The following RPGR variants were observed in gnomAD, a reference collection of about 807,000 sequenced individuals.
The protein encoded by RPGR is X-linked retinitis pigmentosa GTPase regulator.
In RPGR, 10 loss-of-function variants were observed where a neutral mutation model predicts 56.3. The observed-to-expected ratio is 0.18, with a 90% CI of 0.11 to 0.30. RPGR has a LOEUF of 0.30. RPGR is among the 10% of genes least tolerant of loss of function. The pLI is 1.00. For synonymous variants in RPGR, 197 were observed against 212.9 expected, an observed-to-expected ratio of 0.93 and a Z score of 0.65; for missense variants, 538 against 590.9, an observed-to-expected ratio of 0.91 and a Z score of 0.93.
chrX:38,288,140 A>G, intron 13 of RPGR, 99 bp from the exon 14 acceptor site: 2 of 798,015 alleles, frequency 2.5e-6, no homozygotes, highest in Non-Finnish European at 3.7e-6. Context: ...ACATTTTTAT[A>G]AGTTTAGGAG....
At chrX:38,313,229 G>A (rs1472892012) in intron 6 of RPGR, among the ~76,000 whole-genome samples, 1 of 111,391 alleles carries the variant, frequency 9.0e-6, no homozygotes, top group Non-Finnish European at 1.9e-5. Context: ...CCCCTAACAA[G>A]AAATAATATT....
chrX:38,285,882 T>A (rs1409629326), intron 15 of RPGR: 1 of 1,180,143 alleles, frequency 8.5e-7, no homozygotes, highest in Non-Finnish European at 1.1e-6. Flanking sequence ...CTTCCTCCTC[T>A]CCTTCCTCTT....
rs755327864 is a variant in RPGR, at chrX:38,322,839, A to G, written c.247+14T>C. On this transcript the variant is annotated intron_variant, in intron 3 of 18. Transcript: ENST00000642395. ...ACTTTATACAGTTTGTGAAAAGATA[A>G]AAAGATCCCAAACCTTTGACACATG... The G allele has an allele frequency of 1.7e-6, 2 of 1,187,284 alleles. No individual in the cohort carries two copies. The highest frequency in any genetic ancestry group is 4.3e-5 in the Admixed American group (2 of 46,032).
intron 10 of RPGR, among the ~76,000 whole-genome samples, chrX:38,298,126 C>T (rs1217767518): frequency 9.1e-6 from 1 of 109,292 alleles, no homozygotes; most frequent in Non-Finnish European, 1.9e-5. Flanking sequence ...AAAAATTAGC[C>T]GGGCATGGTG....
intron 6 of RPGR, among the ~76,000 whole-genome samples, chrX:38,317,077 A>G (rs368716606): frequency 3.9e-4 from 44 of 111,786 alleles, no homozygotes; most frequent in African/African-American, 1.3e-3. Flanking sequence ...AGGAAACTAT[A>G]TCCCATGCTG....
intron 11 of RPGR, among the ~76,000 whole-genome samples, chrX:38,296,694 T>A (rs922639125): frequency 8.9e-6 from 1 of 111,944 alleles, no homozygotes; most frequent in African/African-American, 3.3e-5. Flanking sequence ...TCAGTATTAT[T>A]AAATAAATTT....
chrX:38,327,376 C>T lies in RPGR; in HGVS notation c.-9G>A. 8.4e-7 allele frequency: 1 copy of T among 1,184,084 alleles called. No individual in the cohort carries two copies. The highest frequency in any genetic ancestry group is 1.1e-6 in the Non-Finnish European group (1 of 882,213). On this transcript the variant is annotated 5_prime_UTR_variant, in exon 1 of 19. Coordinates refer to ENST00000642395, the MANE Select transcript of RPGR (RefSeq NM_000328.3). ...TCTTCCGGCTCCCTCATGCCACGGG[C>T]AGTACGGGCAGCCTGCGCCGGGGCC...
At chrX:38,275,529 C>A (rs1208347889) in intron 16 of RPGR, among the ~76,000 whole-genome samples, 3 of 112,086 alleles carry the variant, frequency 2.7e-5, no homozygotes, top group African/African-American at 9.7e-5. Context: ...TAAACAGAAT[C>A]ATTTTCTCCT....
intron 11 of RPGR, among the ~76,000 whole-genome samples, chrX:38,294,528 C>T (rs1302229107): frequency 2.7e-5 from 3 of 111,589 alleles, no homozygotes; most frequent in East Asian, 5.6e-4. Context: ...TTTTAAATAC[C>T]ATCTCTATGT....
Position 38,269,480 on chromosome X carries a change from C to T in RPGR, c.*146G>A. On this transcript the variant is annotated 3_prime_UTR_variant, in exon 19 of 19. Transcript: ENST00000642395. ...ATATTAGCATAAATAAATATCAAAA[C>T]TGGTCACACTTATAGAAGCTGAATA... 2.3e-6 allele frequency: 1 copy of T among 431,025 alleles called. No homozygotes were observed. Among genetic ancestry groups the T allele is most frequent in the Non-Finnish European group, 3.9e-6 (1 of 253,816 alleles). The allele number at this position is 431,025 out of a possible 1,213,427, so 35.5% of individuals were successfully genotyped here. A position where few individuals can be genotyped will look rare whatever the true frequency, so the allele number is the denominator to read the frequency against.
intron 13 of RPGR, 144 bp downstream of exon 13, chrX:38,290,815 G>A (rs1228790976): frequency 5.0e-6 from 1 of 201,551 alleles, no homozygotes; most frequent in Admixed American, 6.7e-5. Context: ...GCAAAATGGA[G>A]GTTATCTACA....
chrX:38,310,910 G>T, intron 6 of RPGR, 137 bp from the exon 7 acceptor site: 1 of 517,676 alleles, frequency 1.9e-6, no homozygotes, highest in Non-Finnish European at 3.2e-6. Context: ...GTATGATAAA[G>T]AAATAAAGCT....
In RPGR at chrX:38,287,315, C is replaced by T. The variant is rs746407258; in HGVS notation, c.1754-70G>A. 5 of 1,191,882 alleles carry T rather than the reference C, an allele frequency of 4.2e-6. No individual in the cohort carries two copies. In the South Asian group the frequency reaches 8.9e-5, roughly 21 times the overall value. ...GATATTATGGGTTTAGTCTCTTTTT[C>T]ATTTCCTTGTTCAATCAATTTCCTG... On this transcript the variant is annotated intron_variant, in intron 14 of 18. Coordinates refer to ENST00000642395, the MANE Select transcript of RPGR (RefSeq NM_000328.3).
intron 4 of RPGR, among the ~76,000 whole-genome samples, chrX:38,319,996 A>G (rs1335916613): frequency 8.9e-6 from 1 of 111,970 alleles, no homozygotes; most frequent in East Asian, 2.8e-4. Flanking sequence ...TAGCTTTCAA[A>G]TGGAAAATAC....
rs769753083 is a variant in RPGR, at chrX:38,287,347, C to T, written c.1754-102G>A. ...TTGTTCAATCAATTTCCTGCCATAC[C>T]GTATGTTTTGGTCAGTTTCCACTTC... On this transcript the variant is annotated intron_variant, in intron 14 of 18. Transcript: ENST00000642395. 6 of 1,155,601 alleles carry T rather than the reference C, an allele frequency of 5.2e-6. No homozygotes were observed. In the Admixed American group the frequency reaches 6.6e-5, roughly 13 times the overall value.
intron 15 of RPGR, among the ~76,000 whole-genome samples, chrX:38,280,406 C>A (rs1309389002): frequency 1.8e-5 from 2 of 110,924 alleles, no homozygotes; most frequent in African/African-American, 6.6e-5. Context: ...GAGCCAGGAG[C>A]CTAGCATCAA....
In RPGR at chrX:38,269,460, A is replaced by G. The variant is rs2066789891; in HGVS notation, c.*166T>C. 1 of 410,976 alleles carries G rather than the reference A, an allele frequency of 2.4e-6. No individual in the cohort carries two copies. Among genetic ancestry groups the G allele is most frequent in the Non-Finnish European group, 4.2e-6 (1 of 240,661 alleles). The allele number at this position is 410,976 out of a possible 1,213,427, so 33.9% of individuals were successfully genotyped here. A position where few individuals can be genotyped will look rare whatever the true frequency, so the allele number is the denominator to read the frequency against. On this transcript the variant is annotated 3_prime_UTR_variant, in exon 19 of 19. Transcript: ENST00000642395. Reference sequence around the variant, plus strand: ...TTTGAAATGACTTGTTAAAAATATTAGCATAAATAAATATCAAAACTGGTC... The same window carrying G: ...TTTGAAATGACTTGTTAAAAATATTGGCATAAATAAATATCAAAACTGGTC...
intron 15 of RPGR, among the ~76,000 whole-genome samples, chrX:38,283,129 TG>T (rs1006785105): frequency 2.7e-5 from 3 of 111,185 alleles, no homozygotes; most frequent in Non-Finnish European, 5.7e-5. Context: ...TGGATAGACC[TG>T]GGTCTTTTGT....
At chrX:38,318,306 C>A (rs1013234897) in intron 5 of RPGR, among the ~76,000 whole-genome samples, 1 of 109,350 alleles carries the variant, frequency 9.1e-6, no homozygotes, top group African/African-American at 3.3e-5. Context: ...TACACAGTCT[C>A]CTGCTTGAAA....
Sources: gnomAD v4.1 joint callset for allele counts (sites outside exome capture counted in the v4.1 genomes callset) on GRCh38, gnomAD v4.1.1 for gene constraint, MANE v1.5 for transcripts, NCBI Gene and HGNC (gene_info 2026-07-23, HGNC 2026-07-21) for gene names.